The following GPR27 variants were observed in gnomAD, a reference collection of about 807,000 sequenced individuals.
GPR27 encodes the protein probable G protein-coupled receptor 27.
A neutral mutation model predicts 2.4 loss-of-function variants in GPR27; 3 were observed. That is an observed-to-expected ratio of 1.23 (90% CI 0.56 to 3.18). The LOEUF (loss-of-function observed/expected upper bound fraction) is 3.18. GPR27 is among the 30% of genes most tolerant of loss of function. GPR27 has a pLI of 0.03. For missense variants in GPR27, 526 were observed against 566.1 expected (o/e 0.93, Z 0.72); for synonymous variants, 367 against 296.4 (o/e 1.24, Z -2.45).
In GPR27 at chr3:71,754,433, C is replaced by T. The variant is rs1291789146; in HGVS notation, c.384C>T (p.Arg128=). ...VTRYLAIAHH[R]FYAERLAGWP... is the part of the protein sequence containing the mutation. Reference sequence around the variant, plus strand: ...GCTACCTGGCCATCGCGCACCACCGCTTCTATGCAGAGCGCCTGGCCGGCT... The same window carrying T: ...GCTACCTGGCCATCGCGCACCACCGTTTCTATGCAGAGCGCCTGGCCGGCT... The change falls in exon 1 of 1, where the codon CGC becomes CGT. Residue 128 remains arginine, a synonymous_variant. Transcript: ENST00000304411. This position sits in a 1 kb window ranked among gnomAD's most constrained non-coding sequence, Gnocchi z 5.8. The T allele has an allele frequency of 3.0e-6, 4 of 1,354,808 alleles. No individual in the cohort carries two copies. Among genetic ancestry groups the T allele is most frequent in the East Asian group, 6.5e-5 (2 of 30,572 alleles). 83.9% of individuals were successfully genotyped at this position (1,354,808 alleles called of 1,614,324 possible). A position where few individuals can be genotyped will look rare whatever the true frequency, so the allele number is the denominator to read the frequency against.
At position 71,755,565 on chromosome 3, in the gene GPR27, A is replaced by T. The variant is rs2049993975; in HGVS notation, c.*388A>T. On this transcript the variant is annotated 3_prime_UTR_variant, in exon 1 of 1. Transcript: ENST00000304411. Reference sequence around the variant, plus strand: ...TTTTCTACAGAAGCTATTTTTGACAACCTCAAGTGGCATTACATTTTGCAG... The same window carrying T: ...TTTTCTACAGAAGCTATTTTTGACATCCTCAAGTGGCATTACATTTTGCAG... 1 of 174,434 alleles carries T rather than the reference A, an allele frequency of 5.7e-6. No homozygotes were observed. The highest frequency in any genetic ancestry group is 1.8e-4 in the South Asian group (1 of 5,654). The allele number at this position is 174,434 out of a possible 1,614,324, so 10.8% of individuals were successfully genotyped here.
Position 71,754,369 on chromosome 3 carries a change from T to G in GPR27, c.320T>G (p.Phe107Cys), listed in dbSNP as rs1363087861. The G allele has an allele frequency of 7.5e-7, 1 of 1,329,290 alleles. No homozygotes were observed. Among genetic ancestry groups the G allele is most frequent in the Admixed American group, 2.6e-5 (1 of 37,930 alleles). 82.3% of individuals were successfully genotyped at this position (1,329,290 alleles called of 1,614,324 possible). The change falls in exon 1 of 1, where the codon TTC becomes TGC. Residue 107 changes from phenylalanine to cysteine, a missense_variant. Phe to Cys is a radical substitution (Grantham distance 205). This residue lies in a region of GPR27 where 312 missense variants were observed against 318.4 expected (regional missense o/e 0.98). Transcript: ENST00000304411. This position sits in a 1 kb window ranked among gnomAD's most constrained non-coding sequence, Gnocchi z 5.8. ...LLAFLAALFC[F>C]HAAFLLLGVG... ...GCCTTCCTGGCCGCGCTCTTCTGCT[T>G]CCACGCCGCCTTCCTGCTGCTGGGC...
rs1189626068 is a variant in GPR27, at chr3:71,755,183, G to A, written c.*6G>A. 6.3e-7 allele frequency: 1 copy of A among 1,583,710 alleles called. No individual in the cohort carries two copies. ...TGAAAGGCATTGGTTTATGAGGGAG[G>A]CCCCGCCACATAGACCCCCAACCCA... On this transcript the variant is annotated 3_prime_UTR_variant, in exon 1 of 1. Transcript: ENST00000304411.
Position 71,755,177 on chromosome 3 carries a change from AG to A in GPR27, c.*3del. The A allele has an allele frequency of 6.3e-7, 1 of 1,592,686 alleles. No homozygotes were observed. On this transcript the variant is annotated 3_prime_UTR_variant, in exon 1 of 1. Transcript: ENST00000304411. ...GCGACCTGAAAGGCATTGGTTTATG[AG>A]GGAGGCCCCGCCACATAGACCCCCA...
In GPR27 at chr3:71,755,119, A is replaced by G; in HGVS notation, c.1070A>G (p.Gln357Arg). ...DCFRAQFPCC[Q>R]SPRTTQATHP... ...TTCAGGGCCCAGTTCCCCTGCTGCC[A>G]GAGCCCCCGGACCACCCAGGCGACC... Residue 357 changes from glutamine to arginine, a missense_variant, in exon 1 of 1, where the codon CAG (glutamine) becomes CGG (arginine). Transcript: ENST00000304411. 2 of 1,609,794 alleles carry G rather than the reference A, an allele frequency of 1.2e-6. No individual in the cohort carries two copies. Among genetic ancestry groups the G allele is most frequent in the Middle Eastern group, 1.6e-4 (1 of 6,062 alleles).
chr3:71,754,400 C>G lies in GPR27; in HGVS notation c.351C>G (p.Gly117=), dbSNP rs1398054069. 1 of 1,346,532 alleles carries G rather than the reference C, an allele frequency of 7.4e-7. No homozygotes were observed. The highest frequency in any genetic ancestry group is 1.7e-5 in the South Asian group (1 of 58,388). The allele number at this position is 1,346,532 out of a possible 1,614,324, so 83.4% of individuals were successfully genotyped here. A position where few individuals can be genotyped will look rare whatever the true frequency, so the allele number is the denominator to read the frequency against. ...FHAAFLLLGV[G]VTRYLAIAHH... ...CCGCCTTCCTGCTGCTGGGCGTGGG[C>G]GTCACCCGCTACCTGGCCATCGCGC... The change falls in exon 1 of 1, where the codon GGC becomes GGG. Residue 117 remains glycine (G), a synonymous_variant. Coordinates refer to ENST00000304411, the MANE Select transcript of GPR27 (RefSeq NM_018971.3). This position sits in a 1 kb window ranked among gnomAD's most constrained non-coding sequence, Gnocchi z 5.8.
rs1456666263 is a variant in GPR27, at chr3:71,754,046, C to G, written c.-4C>G. ...GGCGGAGCGCACGGCCTGGTGAGGC[C>G]GCGATGGCGAACGCGAGCGAGCCGG... On this transcript the variant is annotated 5_prime_UTR_variant, in exon 1 of 1. Coordinates refer to ENST00000304411, the MANE Select transcript of GPR27 (RefSeq NM_018971.3). The surrounding 1 kb of genome is among the most constrained non-coding windows in gnomAD (Gnocchi z 5.8). The G allele has an allele frequency of 1.0e-5, 13 of 1,245,570 alleles. No homozygotes were observed. Among genetic ancestry groups the G allele is most frequent in the Non-Finnish European group, 1.2e-5 (12 of 983,588 alleles). 77.2% of individuals were successfully genotyped at this position (1,245,570 alleles called of 1,614,324 possible). A position where few individuals can be genotyped will look rare whatever the true frequency, so the allele number is the denominator to read the frequency against.
rs947488770 is a variant in GPR27, at chr3:71,755,188, G to A, written c.*11G>A. ...GGCATTGGTTTATGAGGGAGGCCCC[G>A]CCACATAGACCCCCAACCCAGCCTT... On this transcript the variant is annotated 3_prime_UTR_variant, in exon 1 of 1. Coordinates refer to ENST00000304411, the MANE Select transcript of GPR27 (RefSeq NM_018971.3). The A allele has an allele frequency of 5.1e-6, 8 of 1,575,148 alleles. No individual in the cohort carries two copies. Among genetic ancestry groups the A allele is most frequent in the Admixed American group, 1.8e-5 (1 of 57,060 alleles).
At position 71,755,211 on chromosome 3, in the gene GPR27, C is replaced by T. The variant is rs1337474240; in HGVS notation, c.*34C>T. On this transcript the variant is annotated 3_prime_UTR_variant, in exon 1 of 1. Coordinates refer to ENST00000304411, the MANE Select transcript of GPR27 (RefSeq NM_018971.3). ...CCGCCACATAGACCCCCAACCCAGC[C>T]TTTCCCTTTGGCTCGGACGGTGACG... 1 of 1,509,140 alleles carries T rather than the reference C, an allele frequency of 6.6e-7. No homozygotes were observed. The allele number at this position is 1,509,140 out of a possible 1,614,324, so 93.5% of individuals were successfully genotyped here.
At position 71,754,625 on chromosome 3, in the gene GPR27, G is replaced by A. The variant is rs371933600; in HGVS notation, c.576G>A (p.Val192=). The change falls in exon 1 of 1, where the codon GTG becomes GTA. Residue 192 remains valine (V), a synonymous_variant. Coordinates refer to ENST00000304411, the MANE Select transcript of GPR27 (RefSeq NM_018971.3). The surrounding 1 kb of genome is among the most constrained non-coding windows in gnomAD (Gnocchi z 5.8). ...TGGGCTTCCTGCTGCTGCTGGCCGTGGTGGTGGGCGCCACGCACCTCGTCT... is the reference window on the plus strand; with the variant it reads ...TGGGCTTCCTGCTGCTGCTGGCCGTAGTGGTGGGCGCCACGCACCTCGTCT... The part of the protein sequence containing the change: ...GALGFLLLLA[V]VVGATHLVYL... 1.3e-3 allele frequency: 1,934 copies of A among 1,466,634 alleles called. 2 individuals carry two copies. The highest frequency in any genetic ancestry group is 1.6e-3 in the Non-Finnish European group (1,792 of 1,113,116). 90.9% of individuals were successfully genotyped at this position (1,466,634 alleles called of 1,614,324 possible).
Position 71,754,297 on chromosome 3 carries a change from CGGCCGCGGCGGG to C in GPR27, c.252_263del (p.Ala85_Ala88del), listed in dbSNP as rs746281230. ...GTCATGCTGGCGGCGCGGCGTGCGG[CGGCCGCGGCGGG>C]GGCGCCGCCGGGCGCGCTGGGCTGC... On this transcript the variant is annotated inframe_deletion, in exon 1 of 1. Coordinates refer to ENST00000304411, the MANE Select transcript of GPR27 (RefSeq NM_018971.3). The surrounding 1 kb of genome is among the most constrained non-coding windows in gnomAD (Gnocchi z 5.8). 139 of 1,148,520 alleles carry C rather than the reference CGGCCGCGGCGGG, an allele frequency of 1.2e-4. 8 individuals carry two copies. In the South Asian group the frequency reaches 5.2e-3, roughly 43 times the overall value. 71.1% of individuals were successfully genotyped at this position (1,148,520 alleles called of 1,614,324 possible).
chr3:71,756,208 T>C lies in GPR27; in HGVS notation c.*1031T>C, dbSNP rs1243236495. On this transcript the variant is annotated 3_prime_UTR_variant, in exon 1 of 1. Coordinates refer to ENST00000304411, the MANE Select transcript of GPR27 (RefSeq NM_018971.3). ...TTGTTTATGGTATAAATGAATGGAA[T>C]ATAATGATATCCTCCTTCTAGGAAA... 3 of 152,218 alleles carry C rather than the reference T, an allele frequency of 2.0e-5. No homozygotes were observed. The highest frequency in any genetic ancestry group is 4.4e-5 in the Non-Finnish European group (3 of 68,030). The allele number at this position is 152,218 out of a possible 1,614,324, so 9.4% of individuals were successfully genotyped here.
In GPR27 at chr3:71,753,947, C is replaced by A; in HGVS notation, c.-103C>A. The A allele has an allele frequency of 2.0e-6, 2 of 1,018,346 alleles. No individual in the cohort carries two copies. The highest frequency in any genetic ancestry group is 2.3e-6 in the Non-Finnish European group (2 of 852,506). 63.1% of individuals were successfully genotyped at this position (1,018,346 alleles called of 1,614,324 possible). ...GCTGAGCCCCGCAGGACGGGGAGCT[C>A]GCCCAGGGCCGGCGGAGCGGCGGAG... On this transcript the variant is annotated 5_prime_UTR_variant, in exon 1 of 1. Coordinates refer to ENST00000304411, the MANE Select transcript of GPR27 (RefSeq NM_018971.3).
Position 71,754,629 on chromosome 3 carries a change from G to C in GPR27, c.580G>C (p.Val194Leu). The change falls in exon 1 of 1, where the codon GTG becomes CTG. Residue 194 changes from valine to leucine, a missense_variant. Coordinates refer to ENST00000304411, the MANE Select transcript of GPR27 (RefSeq NM_018971.3). The surrounding 1 kb of genome is among the most constrained non-coding windows in gnomAD (Gnocchi z 5.8). ...LGFLLLLAVV[V>L]GATHLVYLRL... ...CTTCCTGCTGCTGCTGGCCGTGGTGGTGGGCGCCACGCACCTCGTCTACCT... is the reference window on the plus strand; with the variant it reads ...CTTCCTGCTGCTGCTGGCCGTGGTGCTGGGCGCCACGCACCTCGTCTACCT... 6.8e-7 allele frequency: 1 copy of C among 1,471,226 alleles called. No individual in the cohort carries two copies. The highest frequency in any genetic ancestry group is 9.0e-7 in the Non-Finnish European group (1 of 1,115,608). The allele number at this position is 1,471,226 out of a possible 1,614,324, so 91.1% of individuals were successfully genotyped here.
Position 71,755,225 on chromosome 3 carries a change from C to T in GPR27, c.*48C>T, listed in dbSNP as rs781024959. On this transcript the variant is annotated 3_prime_UTR_variant, in exon 1 of 1. Coordinates refer to ENST00000304411, the MANE Select transcript of GPR27 (RefSeq NM_018971.3). The stretch of plus-strand genomic sequence containing the variant: ...CCCAACCCAGCCTTTCCCTTTGGCT[C>T]GGACGGTGACGTTGTATCTTTTCCT... 12 of 1,395,070 alleles carry T rather than the reference C, an allele frequency of 8.6e-6. No homozygotes were observed. The Admixed American group carries it at 1.1e-4, about 13-fold the overall frequency. The allele number at this position is 1,395,070 out of a possible 1,614,324, so 86.4% of individuals were successfully genotyped here.
At position 71,754,874 on chromosome 3, in the gene GPR27, A is replaced by G; in HGVS notation, c.825A>G (p.Glu275=). 6.2e-7 allele frequency: 1 copy of G among 1,612,388 alleles called. No individual in the cohort carries two copies. Among genetic ancestry groups the G allele is most frequent in the Non-Finnish European group, 8.5e-7 (1 of 1,179,562 alleles). Residue 275 remains glutamate, a synonymous_variant, in exon 1 of 1, where the codon GAA becomes GAG. Coordinates refer to ENST00000304411, the MANE Select transcript of GPR27 (RefSeq NM_018971.3). This position sits in a 1 kb window ranked among gnomAD's most constrained non-coding sequence, Gnocchi z 5.8. The stretch of plus-strand genomic sequence containing the variant: ...CGCGCCGCCTCCTCGTGCTGGAAGA[A>G]TTCAAGACGGAGAAGAGGCTGTGCA... ...RGARRLLVLE[E]FKTEKRLCKM... is the part of the protein sequence containing the mutation.
At position 71,754,205 on chromosome 3, in the gene GPR27, C is replaced by G; in HGVS notation, c.156C>G (p.Ala52=). ...TGCGGGAGCGCAGCCTGCACCGCGCCCCGTACTACCTGCTGCTCGACCTGT... is the reference window on the plus strand; with the variant it reads ...TGCGGGAGCGCAGCCTGCACCGCGCGCCGTACTACCTGCTGCTCGACCTGT... The part of the protein sequence containing the change: ...LIVRERSLHR[A]PYYLLLDLCL... The change falls in exon 1 of 1, where the codon GCC becomes GCG. Residue 52 remains alanine, a synonymous_variant. Coordinates refer to ENST00000304411, the MANE Select transcript of GPR27 (RefSeq NM_018971.3). This position sits in a 1 kb window ranked among gnomAD's most constrained non-coding sequence, Gnocchi z 5.8. 2.1e-6 allele frequency: 3 copies of G among 1,406,808 alleles called. No homozygotes were observed. Among genetic ancestry groups the G allele is most frequent in the Non-Finnish European group, 2.8e-6 (3 of 1,064,654 alleles). The allele number at this position is 1,406,808 out of a possible 1,614,324, so 87.1% of individuals were successfully genotyped here.
In GPR27 at chr3:71,755,334, G is replaced by T; in HGVS notation, c.*157G>T. The T allele has an allele frequency of 4.5e-6, 3 of 662,354 alleles. No homozygotes were observed. The highest frequency in any genetic ancestry group is 5.5e-5 in the East Asian group (2 of 36,474). 41.0% of individuals were successfully genotyped at this position (662,354 alleles called of 1,614,324 possible). On this transcript the variant is annotated 3_prime_UTR_variant, in exon 1 of 1. Coordinates refer to ENST00000304411, the MANE Select transcript of GPR27 (RefSeq NM_018971.3). ...TTGGATTGTACTGACTCCTTTGGGG[G>T]TGGGGTGGGTGAGGAGTAGGATGCT... is the stretch of plus-strand genomic sequence containing the variant.
In GPR27 at chr3:71,754,632, G is replaced by A; in HGVS notation, c.583G>A (p.Gly195Ser). 5 of 1,474,860 alleles carry A rather than the reference G, an allele frequency of 3.4e-6. No homozygotes were observed. The highest frequency in any genetic ancestry group is 1.5e-5 in the African/African-American group (1 of 68,178). 91.4% of individuals were successfully genotyped at this position (1,474,860 alleles called of 1,614,324 possible). The stretch of plus-strand genomic sequence containing the variant: ...CCTGCTGCTGCTGGCCGTGGTGGTG[G>A]GCGCCACGCACCTCGTCTACCTCCG... ...GFLLLLAVVV[G>S]ATHLVYLRLL... Residue 195 changes from glycine (G) to serine (S), a missense_variant, in exon 1 of 1, where the codon GGC becomes AGC. Physicochemically the swap from Gly to Ser is moderately conservative, Grantham distance 56. Coordinates refer to ENST00000304411, the MANE Select transcript of GPR27 (RefSeq NM_018971.3). The surrounding 1 kb of genome is among the most constrained non-coding windows in gnomAD (Gnocchi z 5.8).
Sources: gnomAD v4.1 joint callset for allele counts on GRCh38, gnomAD v4.1.1 for gene constraint, gnomAD v4.1.1 regional missense constraint, Gnocchi (gnomAD v3.1) non-coding constraint, MANE v1.5 for transcripts, NCBI Gene and HGNC (gene_info 2026-07-23, HGNC 2026-07-21) for gene names.